Variants in NUP210L observed in about 807,000 individuals in gnomAD.
NUP210L encodes the protein nucleoporin 210 like.
A neutral mutation model predicts 208.5 loss-of-function variants in NUP210L; 74 were observed. The ratio of observed to expected loss-of-function variants is 0.35; its 90% CI spans 0.29 to 0.43. The LOEUF (loss-of-function observed/expected upper bound fraction) is 0.43, where lower values mean the gene tolerates loss of function less well. NUP210L is among the 20% of genes least tolerant of loss of function. The pLI, the probability that NUP210L is intolerant of heterozygous loss-of-function variation, is 1.00. For missense variants in NUP210L, 1,843 were observed against 2,289.4 expected (o/e 0.81, Z 3.98); for synonymous variants, 780 against 816.9 (o/e 0.95, Z 0.77).
chr1:154,130,663 CCTCT>C lies in NUP210L; in HGVS notation c.1010-1322_1010-1319del, dbSNP rs1432103218. On this transcript the variant is annotated intron_variant, in intron 7 of 39. Transcript: ENST00000368559. ...GTGGTACAATCACAGCTCACTGCAGCCTCTCTAACTCCTGGACTCAAGCGATTCT... is the reference window on the plus strand; with the variant it reads ...GTGGTACAATCACAGCTCACTGCAGCCTAACTCCTGGACTCAAGCGATTCT... Among the ~76,000 whole-genome samples the C allele has an allele frequency of 2.0e-5, 3 of 150,152 alleles. No homozygotes were observed. The Admixed American group carries it at 2.0e-4, about 10-fold the overall frequency.
At chr1:154,073,680 T>C (rs1654885044) in intron 16 of NUP210L, among the ~76,000 whole-genome samples, 1 of 151,818 alleles carries the variant, frequency 6.6e-6, no homozygotes, top group South Asian at 2.1e-4. Context: ...CCGGGCATGG[T>C]GGTGCATGCC....
intron 16 of NUP210L, among the ~76,000 whole-genome samples, chr1:154,081,972 C>A (rs1047330751): frequency 6.6e-6 from 1 of 152,116 alleles, no homozygotes; most frequent in African/African-American, 2.4e-5. Context: ...CAGAGTGAGA[C>A]CCTGTGTCAA....
chr1:154,127,572 TTTGA>T (rs1658048453), intron 8 of NUP210L, among the ~76,000 whole-genome samples, 155 bp from the exon 9 acceptor site: 1 of 150,202 alleles, frequency 6.7e-6, no homozygotes. Context: ...TTTTTTTTTT[TTTGA>T]GAGTCTTGCT....
At chr1:154,058,615 G>A (rs969354020) in exon 21 of NUP210L, 1 of 1,613,950 alleles carries the variant, frequency 6.2e-7, no homozygotes, top group Non-Finnish European at 8.5e-7. Context: ...ACCCTGAGGT[G>A]GGCTGTTGCT....
chr1:154,130,110 G>C (rs1448263984), intron 7 of NUP210L, among the ~76,000 whole-genome samples: 1 of 152,010 alleles, frequency 6.6e-6, no homozygotes, highest in Non-Finnish European at 1.5e-5. Flanking sequence ...AGGCCGAGGT[G>C]GGTGGACTGT....
intron 3 of NUP210L, among the ~76,000 whole-genome samples, 166 bp downstream of exon 3, chr1:154,143,280 C>T (rs1442114002): frequency 6.6e-6 from 1 of 151,358 alleles, no homozygotes; most frequent in Admixed American, 6.6e-5. Flanking sequence ...GTAGTTAATA[C>T]ATTAAATTAT....
chr1:154,126,292 A>C (rs767387659), intron 10 of NUP210L, 31 bp downstream of exon 10: 1 of 1,594,252 alleles, frequency 6.3e-7, no homozygotes, highest in Non-Finnish European at 8.5e-7. Flanking sequence ...CAGTGTTCTT[A>C]GAATACAAAC....
exon 5 of NUP210L, chr1:154,139,847 A>G (rs1163713776): frequency 8.1e-6 from 13 of 1,613,826 alleles, no homozygotes; most frequent in African/African-American, 1.3e-5. Context: ...CAGCAGCACC[A>G]GTTCTAATCC....
chr1:154,071,312 G>A (rs927051037), intron 16 of NUP210L, among the ~76,000 whole-genome samples: 25 of 151,244 alleles, frequency 1.7e-4, no homozygotes, highest in Middle Eastern at 3.4e-3. Context: ...TTTTATGTCC[G>A]TAAGTTTTTG....
intron 33 of NUP210L, among the ~76,000 whole-genome samples, chr1:154,017,391 CA>C (rs112706825): frequency 0.28 from 42,000 of 151,844 alleles, 6,235 homozygotes; most frequent in Admixed American, 0.39. Context: ...TCTCAATTTT[CA>C]GCTTAACCCA....
At chr1:154,068,472 G>A (rs1322049833) in intron 17 of NUP210L, among the ~76,000 whole-genome samples, 1 of 152,130 alleles carries the variant, frequency 6.6e-6, no homozygotes, top group Admixed American at 6.6e-5. Flanking sequence ...ATGAGGTCAG[G>A]AGATCAAGAC....
chr1:154,085,950 G>A (rs565935335), intron 16 of NUP210L, among the ~76,000 whole-genome samples: 1 of 152,148 alleles, frequency 6.6e-6, no homozygotes, highest in Non-Finnish European at 1.5e-5. Context: ...AGTGGCTCAT[G>A]CCTGTAATCC....
intron 7 of NUP210L, among the ~76,000 whole-genome samples, chr1:154,131,840 C>G (rs575881135): frequency 6.6e-6 from 1 of 151,886 alleles, no homozygotes; most frequent in South Asian, 2.1e-4. Context: ...AGTTTCACTC[C>G]GTCGCCCAGG....
At chr1:154,010,154 C>A in intron 34 of NUP210L, 33 bp from the exon 35 acceptor site, 1 of 1,585,966 alleles carries the variant, frequency 6.3e-7, no homozygotes, top group South Asian at 1.2e-5. Context: ...ATAGCTTTGT[C>A]ACTAACAAGA....
chr1:153,996,848 CT>C (rs747835495), intron 37 of NUP210L, among the ~76,000 whole-genome samples: 1,520 of 103,732 alleles, frequency 0.015, 15 homozygotes, highest in African/African-American at 0.047. Flanking sequence ...GTAGACTTGC[CT>C]TTTTTTTTTT....
intron 13 of NUP210L, among the ~76,000 whole-genome samples, chr1:154,103,516 C>T (rs1346283522): frequency 4.1e-5 from 6 of 147,290 alleles, no homozygotes; most frequent in Non-Finnish European, 9.0e-5. Context: ...ACTAAAAATA[C>T]AAAAAATTAG....
exon 40 of NUP210L, chr1:153,992,881 A>G (rs1649545831): frequency 1.2e-6 from 2 of 1,613,632 alleles, no homozygotes; most frequent in Non-Finnish European, 1.7e-6. Context: ...ACTTTGGGCC[A>G]ATGGAGGTTG....
chr1:154,059,037 T>A (rs190728053), intron 20 of NUP210L, among the ~76,000 whole-genome samples: 30 of 151,992 alleles, frequency 2.0e-4, no homozygotes, highest in South Asian at 4.2e-4. Context: ...AAAAACTTTT[T>A]AAAAAAAATT....
At chr1:154,029,401 A>C (rs867276197) in intron 28 of NUP210L, among the ~76,000 whole-genome samples, 59 of 112,852 alleles carry the variant, frequency 5.2e-4, no homozygotes, top group African/African-American at 1.1e-3. Context: ...AAAAAAAAAA[A>C]CCACAAAAAA....
Sources: allele counts gnomAD v4.1 joint callset (sites outside exome capture counted in the v4.1 genomes callset), GRCh38; gene constraint gnomAD v4.1.1; transcripts MANE v1.5; gene names NCBI Gene and HGNC (gene_info 2026-07-23, HGNC 2026-07-21).